The following CCR3 variants were observed in gnomAD, a reference collection of about 807,000 sequenced individuals.
CCR3 encodes C-C chemokine receptor type 3.
For missense variants in CCR3, 419 were observed against 437.5 expected (o/e 0.96, Z 0.38); for synonymous variants, 203 against 179.2 (o/e 1.13, Z -1.06).
intron 1 of CCR3, among the ~76,000 whole-genome samples, chr3:46,243,283 A>G (rs1700128611): frequency 6.6e-6 from 1 of 152,116 alleles, no homozygotes; most frequent in South Asian, 2.1e-4. Flanking sequence ...GGTTTTTGCA[A>G]CTTTGTGGAG....
chr3:46,264,220 G>A (rs1271317598), intron 1 of CCR3: 3 of 566,462 alleles, frequency 5.3e-6, no homozygotes, highest in South Asian at 2.0e-5. Flanking sequence ...TGATGGAGAA[G>A]CTCCCAGGGG....
upstream of CCR3, among the ~76,000 whole-genome samples, chr3:46,242,011 T>C (rs1700091738): frequency 6.6e-6 from 1 of 152,024 alleles, no homozygotes. Context: ...CATGTGCCTC[T>C]AATACCAACT....
intron 2 of CCR3, among the ~76,000 whole-genome samples, chr3:46,223,933 A>G (rs931022215): frequency 6.6e-6 from 1 of 152,170 alleles, no homozygotes; most frequent in Non-Finnish European, 1.5e-5. Flanking sequence ...TAGAGTCTCC[A>G]TCGGGTGTGA....
intron 2 of CCR3, among the ~76,000 whole-genome samples, chr3:46,231,842 A>G (rs1699969069): frequency 6.6e-6 from 1 of 152,152 alleles, no homozygotes; most frequent in Admixed American, 6.5e-5. Context: ...ATCTTGTTTC[A>G]GGAGAAACAA....
chr3:46,223,089 C>G (rs928656665), intron 2 of CCR3, among the ~76,000 whole-genome samples: 1 of 152,234 alleles, frequency 6.6e-6, no homozygotes, highest in South Asian at 2.1e-4. Flanking sequence ...TGTGTTGGCT[C>G]ACGCCTGTAA....
chr3:46,259,780 A>T (rs750854367), intron 1 of CCR3, among the ~76,000 whole-genome samples: 37 of 152,238 alleles, frequency 2.4e-4, no homozygotes, highest in Non-Finnish European at 4.4e-4. Flanking sequence ...TAAAGATTTA[A>T]AGCACTTGAT....
intron 1 of CCR3, among the ~76,000 whole-genome samples, chr3:46,248,870 G>C (rs1700251733): frequency 1.3e-5 from 2 of 152,192 alleles, no homozygotes. Context: ...CCACGGGGTG[G>C]ATAGGCAAAA....
At chr3:46,227,374 C>A (rs567503677) in intron 2 of CCR3, among the ~76,000 whole-genome samples, 4 of 152,022 alleles carry the variant, frequency 2.6e-5, no homozygotes, top group African/African-American at 9.7e-5. Flanking sequence ...TATGTCTTCT[C>A]TTTTTCTCTT....
intron 1 of CCR3, among the ~76,000 whole-genome samples, chr3:46,248,706 G>A (rs944494456): frequency 3.9e-5 from 6 of 152,152 alleles, no homozygotes; most frequent in Non-Finnish European, 8.8e-5. Flanking sequence ...AATTTGCTGA[G>A]CCTAATGGGT....
rs939772784 is a variant in CCR3, at chr3:46,265,941, C to T, written c.783C>T (p.Leu261=). The change falls in exon 2 of 2, where the codon CTC becomes CTT. Residue 261 remains leucine, a synonymous_variant. Transcript: ENST00000395940. Reference sequence around the variant, plus strand: ...CACCCTACAATGTGGCTATCCTTCTCTCTTCCTATCAATCCATCTTATTTG... The same window carrying T: ...CACCCTACAATGTGGCTATCCTTCTTTCTTCCTATCAATCCATCTTATTTG... The part of the protein sequence containing the change: ...FWTPYNVAIL[L]SSYQSILFGN... The T allele has an allele frequency of 1.2e-6, 2 of 1,614,170 alleles. No individual in the cohort carries two copies. The highest frequency in any genetic ancestry group is 2.2e-5 in the East Asian group (1 of 44,880).
chr3:46,230,443 A>G (rs1363898959), intron 2 of CCR3, among the ~76,000 whole-genome samples: 1 of 152,088 alleles, frequency 6.6e-6, no homozygotes, highest in Admixed American at 6.6e-5. Context: ...TGCCACATCA[A>G]CGGACCTCCA....
intron 1 of CCR3, among the ~76,000 whole-genome samples, chr3:46,261,114 G>T (rs1700518372): frequency 6.6e-6 from 1 of 151,910 alleles, no homozygotes; most frequent in Admixed American, 6.6e-5. Context: ...ACATTCCCAG[G>T]TATAAAACCT....
At chr3:46,245,235 G>A (rs1321445254) in intron 1 of CCR3, among the ~76,000 whole-genome samples, 3 of 151,644 alleles carry the variant, frequency 2.0e-5, no homozygotes, top group Non-Finnish European at 4.4e-5. Flanking sequence ...TTTGAACTTT[G>A]AGAGGCTCTT....
intron 2 of CCR3, among the ~76,000 whole-genome samples, chr3:46,221,155 C>G (rs557526225): frequency 6.7e-4 from 102 of 152,240 alleles, no homozygotes; most frequent in Non-Finnish European, 1.1e-3. Context: ...GTATTTACAC[C>G]AAGGAAACTG....
intron 1 of CCR3, among the ~76,000 whole-genome samples, chr3:46,254,086 T>A (rs1173368328): frequency 6.6e-6 from 1 of 152,208 alleles, no homozygotes; most frequent in Non-Finnish European, 1.5e-5. Flanking sequence ...AAGCCACTTA[T>A]AATTATGTAT....
intron 1 of CCR3, among the ~76,000 whole-genome samples, chr3:46,249,864 G>A (rs941381544): frequency 9.3e-5 from 13 of 139,868 alleles, no homozygotes; most frequent in African/African-American, 3.7e-4. Flanking sequence ...TGGAGGCAGG[G>A]AATTGCAACT....
rs531430903 is a variant in CCR3, at chr3:46,215,286, T to C, written c.-68+4379T>C. 2.0e-5 allele frequency among the ~76,000 whole-genome samples: 3 copies of C among 152,182 alleles called. No individual in the cohort carries two copies. The East Asian group carries it at 5.8e-4, about 29-fold the overall frequency. ...GTAGTTAAGAGTCCTAAAAGTTGAG[T>C]TAGGTAGGGCCTGGAAGTAGTGTTA... On this transcript the variant is annotated intron_variant, in intron 2 of 3. Transcript: ENST00000357422.
chr3:46,258,526 A>T lies in CCR3; in HGVS notation c.-11-6622A>T, dbSNP rs182478851. Among the ~76,000 whole-genome samples the T allele has an allele frequency of 2.0e-5, 3 of 152,220 alleles. No individual in the cohort carries two copies. The East Asian group carries it at 5.8e-4, about 29-fold the overall frequency. ...GGGACATATCTAAACTGTGGCCTTC[A>T]TTTTTATTTTTCTTTAACAATTCCC... On this transcript the variant is annotated intron_variant, in intron 1 of 1. Transcript: ENST00000395940.
chr3:46,219,033 A>G (rs771515330), intron 2 of CCR3, among the ~76,000 whole-genome samples: 1 of 152,208 alleles, frequency 6.6e-6, no homozygotes, highest in Non-Finnish European at 1.5e-5. Context: ...TGAAGAAGTC[A>G]AACTGTCGCT....
Sources: gnomAD v4.1 joint callset for allele counts (sites outside exome capture counted in the v4.1 genomes callset) on GRCh38, gnomAD v4.1.1 for gene constraint, MANE v1.5 for transcripts, NCBI Gene and HGNC (gene_info 2026-07-23, HGNC 2026-07-21) for gene names.